Variants in ANO4 observed in about 807,000 individuals in gnomAD.
ANO4 encodes the protein anoctamin-4.
Under a neutral mutation model 141.9 loss-of-function variants are expected in ANO4, and 69 were observed. The observed-to-expected ratio is 0.49, with a 90% CI of 0.40 to 0.59. The LOEUF is 0.59. Ranked by LOEUF, ANO4 falls within the 20% of genes least tolerant of loss-of-function variation. The probability of loss-of-function intolerance (pLI) is 0.00; values close to 1 mark genes in which losing one functional copy is unlikely to be tolerated. For synonymous variants in ANO4, 350 were observed against 394.3 expected (o/e 0.89, Z 1.33); for missense variants, 894 against 1,162.2 (o/e 0.77, Z 3.36).
chr12:100,962,920 G>A (rs1385021380), intron 5 of ANO4, among the ~76,000 whole-genome samples: 2 of 152,144 alleles, frequency 1.3e-5, no homozygotes, highest in African/African-American at 4.8e-5. Flanking sequence ...GGAGAGAAGT[G>A]GATAGATTAG....
intron 2 of ANO4, among the ~76,000 whole-genome samples, chr12:100,910,498 C>G (rs897250270): frequency 2.0e-5 from 3 of 152,048 alleles, no homozygotes; most frequent in African/African-American, 4.8e-5. Flanking sequence ...CCTTTAGACA[C>G]TCATAATTAA....
chr12:101,048,153 T>G (rs2047706499), intron 13 of ANO4, 188 bp from the exon 14 acceptor site: 7 of 1,030,518 alleles, frequency 6.8e-6, no homozygotes, highest in Non-Finnish European at 9.5e-6. Flanking sequence ...ATCCTCTATA[T>G]ATGAACTACC....
chr12:101,059,451 T>A (rs563027821), intron 14 of ANO4, among the ~76,000 whole-genome samples: 1 of 152,244 alleles, frequency 6.6e-6, no homozygotes, highest in Admixed American at 6.5e-5. Context: ...ATCTCCTCTT[T>A]TTACCTGTGG....
chr12:100,977,125 T>C lies in ANO4; in HGVS notation c.602+2236T>C, dbSNP rs11110611. 1.5e-3 allele frequency among the ~76,000 whole-genome samples: 234 copies of C among 152,326 alleles called. 3 individuals carry two copies. In the East Asian group the frequency reaches 0.035, roughly 23 times the overall value. ...CTAGTATGTAGCTGATGTGCACAAATAGTATCTATTAATACTTATTACATG... is the reference window on the plus strand; with the variant it reads ...CTAGTATGTAGCTGATGTGCACAAACAGTATCTATTAATACTTATTACATG... On this transcript the variant is annotated intron_variant, in intron 7 of 27. Coordinates refer to ENST00000392977, the MANE Select transcript of ANO4 (RefSeq NM_001286615.2).
At chr12:100,730,002 C>T (rs1313203601) in intron 1 of ANO4, among the ~76,000 whole-genome samples, 1 of 152,140 alleles carries the variant, frequency 6.6e-6, no homozygotes, top group Admixed American at 6.5e-5. Flanking sequence ...TTCCTTTTCT[C>T]CTCCTCATTC....
chr12:100,819,173 T>G (rs1421062664), intron 1 of ANO4, among the ~76,000 whole-genome samples: 1 of 151,866 alleles, frequency 6.6e-6, no homozygotes, highest in Non-Finnish European at 1.5e-5. Context: ...CAATGTCTTA[T>G]ATAACATAAA....
intron 8 of ANO4, among the ~76,000 whole-genome samples, chr12:101,001,373 T>C (rs997342079): frequency 6.6e-6 from 1 of 152,214 alleles, no homozygotes; most frequent in Non-Finnish European, 1.5e-5. Flanking sequence ...AGGTAGACAC[T>C]CTGGTGCCCC....
At chr12:100,806,659 C>G (rs1294886606) in intron 1 of ANO4, among the ~76,000 whole-genome samples, 1 of 149,412 alleles carries the variant, frequency 6.7e-6, no homozygotes, top group Admixed American at 6.8e-5. Flanking sequence ...ATTCTCCTGC[C>G]TCAGCCTCCT....
At chr12:100,847,889 GA>G (rs1251152558) in intron 1 of ANO4, among the ~76,000 whole-genome samples, 2 of 152,164 alleles carry the variant, frequency 1.3e-5, no homozygotes, top group Non-Finnish European at 2.9e-5. Flanking sequence ...CTTGGTACAG[GA>G]AGCAAATAGC....
intron 1 of ANO4, among the ~76,000 whole-genome samples, chr12:100,863,971 G>C (rs1514788): frequency 1.3e-5 from 2 of 152,044 alleles, no homozygotes; most frequent in African/African-American, 4.8e-5. Flanking sequence ...GATCCAGGGA[G>C]CTCGAACAGT....
intron 1 of ANO4, among the ~76,000 whole-genome samples, chr12:100,895,952 A>G (rs1195926818): frequency 6.6e-6 from 1 of 152,092 alleles, no homozygotes; most frequent in Non-Finnish European, 1.5e-5. Flanking sequence ...CAAGCAGGAA[A>G]CATAGGCTTG....
At chr12:100,928,033 TGAG>T (rs1302146730) in intron 3 of ANO4, among the ~76,000 whole-genome samples, 2 of 152,096 alleles carry the variant, frequency 1.3e-5, no homozygotes, top group Non-Finnish European at 2.9e-5. Context: ...CTTTTGTGGC[TGAG>T]GAGACTGAGT....
chr12:100,876,427 C>G (rs1438051457), intron 1 of ANO4, among the ~76,000 whole-genome samples: 1 of 152,148 alleles, frequency 6.6e-6, no homozygotes, highest in African/African-American at 2.4e-5. Flanking sequence ...CACAGTTTCC[C>G]CCTGCAGGGA....
chr12:101,055,312 A>G (rs139563492), intron 14 of ANO4, among the ~76,000 whole-genome samples: 3 of 152,236 alleles, frequency 2.0e-5, no homozygotes, highest in Non-Finnish European at 4.4e-5. Context: ...TGAGAATTCC[A>G]GGTGTTCCAC....
intron 10 of ANO4, chr12:101,038,304 C>T (rs924110032): frequency 2.0e-5 from 3 of 152,094 alleles, no homozygotes; most frequent in African/African-American, 7.2e-5. Context: ...TTGGCATTGC[C>T]CAGAAAAGGG....
intron 5 of ANO4, among the ~76,000 whole-genome samples, chr12:100,951,041 T>G (rs938436): frequency 0.3 from 45,921 of 152,068 alleles, 7,319 homozygotes; most frequent in South Asian, 0.45. Context: ...GTGTAATCAC[T>G]TTGAGGGAGG....
chr12:100,854,765 A>G (rs548812173), intron 1 of ANO4, among the ~76,000 whole-genome samples: 5 of 152,054 alleles, frequency 3.3e-5, no homozygotes, highest in Admixed American at 6.6e-5. Flanking sequence ...ATTATTGTCT[A>G]TTTTTATCTG....
intron 3 of ANO4, among the ~76,000 whole-genome samples, chr12:100,933,543 A>G (rs2042167029): frequency 6.6e-6 from 1 of 152,210 alleles, no homozygotes; most frequent in African/African-American, 2.4e-5. Context: ...GGTTGGTTCC[A>G]AGTTTTTGCT....
At chr12:100,792,170 T>C (rs2034068892), upstream of ANO4, among the ~76,000 whole-genome samples, 1 of 152,112 alleles carries the variant, frequency 6.6e-6, no homozygotes, top group Non-Finnish European at 1.5e-5. Context: ...TACCCTGGTG[T>C]TGAAAGACTG....
Sources: allele counts gnomAD v4.1 joint callset (sites outside exome capture counted in the v4.1 genomes callset), GRCh38; gene constraint gnomAD v4.1.1; transcripts MANE v1.5; gene names NCBI Gene and HGNC (gene_info 2026-07-23, HGNC 2026-07-21).